The following UXS1 variants were observed in gnomAD, a reference collection of about 807,000 sequenced individuals.
UXS1 encodes the protein UDP-glucuronate decarboxylase 1.
UXS1 carries 33 observed loss-of-function variants against 62.6 expected under a neutral mutation model. The ratio of observed to expected loss-of-function variants is 0.53; its 90% confidence interval spans 0.40 to 0.70. The LOEUF is 0.70. Among genes scored for constraint, UXS1 ranks in the 30% least tolerant of loss-of-function variants. The probability of loss-of-function intolerance (pLI) is 0.00; values close to 1 mark genes in which losing one functional copy is unlikely to be tolerated. For missense variants in UXS1, 434 were observed against 556.3 expected (o/e 0.78, Z 2.21); for synonymous variants, 213 against 206.8 (o/e 1.03, Z -0.26).
chr2:106,115,167 T>C (rs541265028), intron 9 of UXS1, among the ~76,000 whole-genome samples: 1 of 152,254 alleles, frequency 6.6e-6, no homozygotes, highest in African/African-American at 2.4e-5. Context: ...CATGCATGGA[T>C]TGGAGAAAGG....
chr2:106,096,288 A>G (rs1350212523), intron 14 of UXS1, among the ~76,000 whole-genome samples: 1 of 152,058 alleles, frequency 6.6e-6, no homozygotes. Flanking sequence ...GAGAATGTGT[A>G]TGATAGTGTG....
intron 4 of UXS1, among the ~76,000 whole-genome samples, chr2:106,162,693 T>G (rs1271709604): frequency 6.6e-6 from 1 of 152,244 alleles, no homozygotes; most frequent in Non-Finnish European, 1.5e-5. Flanking sequence ...AACCTTATAT[T>G]ACTAAGGAAT....
chr2:106,125,276 T>C (rs1031025616), intron 8 of UXS1, among the ~76,000 whole-genome samples: 7 of 152,318 alleles, frequency 4.6e-5, no homozygotes, highest in South Asian at 2.1e-4. Flanking sequence ...ATGACTCACA[T>C]AGAAGAATGA....
intron 9 of UXS1, 107 bp downstream of exon 9, chr2:106,122,863 A>C: frequency 2.0e-6 from 3 of 1,485,742 alleles, no homozygotes; most frequent in Non-Finnish European, 2.7e-6. Flanking sequence ...CCAAACACCT[A>C]TCCCCAGACA....
At chr2:106,158,333 G>A (rs1374926239) in intron 4 of UXS1, among the ~76,000 whole-genome samples, 1 of 152,190 alleles carries the variant, frequency 6.6e-6, no homozygotes, top group Non-Finnish European at 1.5e-5. Flanking sequence ...AGCTAAAGAC[G>A]TGACTTGAGA....
At chr2:106,115,351 C>T (rs1285947937) in intron 9 of UXS1, among the ~76,000 whole-genome samples, 1 of 152,232 alleles carries the variant, frequency 6.6e-6, no homozygotes, top group East Asian at 1.9e-4. Flanking sequence ...GAACCCCTGA[C>T]TCCCACACAA....
Position 106,139,656 on chromosome 2 carries a change from T to C in UXS1, c.472+5534A>G, listed in dbSNP as rs1017964445. On this transcript the variant is annotated intron_variant, in intron 6 of 14. Coordinates refer to ENST00000283148, the MANE Select transcript of UXS1 (RefSeq NM_001253875.2). ...GGGAAATCCACATAAAAACTGACTG[T>C]AGCTTCCACTCCTTTGTTGATTTTC... Among the ~76,000 whole-genome samples the C allele has an allele frequency of 2.6e-5, 4 of 152,208 alleles. No individual in the cohort carries two copies. The South Asian group carries it at 6.2e-4, about 24-fold the overall frequency.
intron 10 of UXS1, among the ~76,000 whole-genome samples, chr2:106,109,776 G>C (rs1678428301): frequency 2.0e-5 from 3 of 152,210 alleles, no homozygotes; most frequent in Admixed American, 2.0e-4. Context: ...GAGATGCTAA[G>C]ACAGGCATGA....
At chr2:106,114,758 G>A (rs1678928610) in intron 9 of UXS1, among the ~76,000 whole-genome samples, 1 of 152,168 alleles carries the variant, frequency 6.6e-6, no homozygotes, top group Admixed American at 6.6e-5. Context: ...CAGCAACAGA[G>A]GGCAGCCCTT....
At chr2:106,116,606 G>A (rs559631331) in intron 9 of UXS1, among the ~76,000 whole-genome samples, 3 of 152,190 alleles carry the variant, frequency 2.0e-5, no homozygotes, top group South Asian at 2.1e-4. Context: ...TCCTCTCCCC[G>A]TGTCTCTTGA....
At chr2:106,141,224 T>C (rs1681069281) in intron 6 of UXS1, among the ~76,000 whole-genome samples, 1 of 152,174 alleles carries the variant, frequency 6.6e-6, no homozygotes. Context: ...AAAAGGTCTC[T>C]ATATATGATA....
At chr2:106,175,260 T>TGCTG (rs1482667225) in intron 1 of UXS1, among the ~76,000 whole-genome samples, 1 of 152,248 alleles carries the variant, frequency 6.6e-6, no homozygotes, top group African/African-American at 2.4e-5. Flanking sequence ...TCCAGAATGC[T>TGCTG]GCTGCTGCAT....
At chr2:106,191,743 TCTC>T (rs1684949931) in intron 1 of UXS1, among the ~76,000 whole-genome samples, 1 of 152,250 alleles carries the variant, frequency 6.6e-6, no homozygotes, top group East Asian at 1.9e-4. Flanking sequence ...GAACACGCTC[TCTC>T]CTATGACTTC....
chr2:106,137,566 A>C (rs539693805), intron 6 of UXS1, among the ~76,000 whole-genome samples: 3 of 152,158 alleles, frequency 2.0e-5, no homozygotes, highest in Admixed American at 2.0e-4. Context: ...AGGTGGGTGG[A>C]TCACCTGAGG....
chr2:106,142,241 TTTTC>T (rs1573496039), intron 6 of UXS1, among the ~76,000 whole-genome samples: 1 of 152,222 alleles, frequency 6.6e-6, no homozygotes, highest in African/African-American at 2.4e-5. Flanking sequence ...CCTTTCTATA[TTTTC>T]TTTAACATGT....
chr2:106,182,762 T>C (rs535990196), intron 1 of UXS1, among the ~76,000 whole-genome samples: 64 of 147,614 alleles, frequency 4.3e-4, no homozygotes, highest in African/African-American at 1.2e-3. Flanking sequence ...TGCAGGATAG[T>C]TGGGTGCTGC....
intron 6 of UXS1, chr2:106,138,424 T>C (rs891112638): frequency 3.0e-6 from 3 of 985,338 alleles, no homozygotes; most frequent in South Asian, 4.7e-5. Flanking sequence ...GTGTGGACTC[T>C]AGAGGGAGGG....
intron 1 of UXS1, among the ~76,000 whole-genome samples, chr2:106,180,459 A>C (rs1573580530): frequency 6.6e-6 from 1 of 152,360 alleles, no homozygotes; most frequent in East Asian, 1.9e-4. Context: ...GGCTGCAAAA[A>C]TACTACAGAG....
intron 1 of UXS1, among the ~76,000 whole-genome samples, chr2:106,180,873 G>C (rs1300166285): frequency 1.3e-5 from 2 of 152,156 alleles, no homozygotes; most frequent in African/African-American, 4.8e-5. Flanking sequence ...ATGATGCCTG[G>C]TGTGGCATGG....
Sources: allele counts gnomAD v4.1 joint callset (sites outside exome capture counted in the v4.1 genomes callset), GRCh38; gene constraint gnomAD v4.1.1; transcripts MANE v1.5; gene names NCBI Gene and HGNC (gene_info 2026-07-23, HGNC 2026-07-21).